CDC42BPB: variants seen among roughly 807,000 people sequenced by gnomAD.
CDC42BPB encodes CDC42 binding protein kinase beta, also known as serine/threonine-protein kinase MRCK beta.
CDC42BPB carries 37 observed loss-of-function variants against 214.9 expected under a neutral mutation model. That is an observed-to-expected ratio of 0.17 (90% CI 0.13 to 0.23). The LOEUF (loss-of-function observed/expected upper bound fraction) is 0.23. Among genes scored for constraint, CDC42BPB ranks in the 10% least tolerant of loss-of-function variants. The pLI, the probability that CDC42BPB is intolerant of heterozygous loss-of-function variation, is 1.00. For synonymous variants in CDC42BPB, 931 were observed against 884.0 expected (o/e 1.05, Z -0.94); for missense variants, 1,694 against 2,227.0 (o/e 0.76, Z 4.82).
At chr14:102,946,196 T>A (rs903330612) in intron 28 of CDC42BPB, among the ~76,000 whole-genome samples, 9 of 151,992 alleles carry the variant, frequency 5.9e-5, no homozygotes, top group Admixed American at 2.6e-4. Context: ...TATTTTTATT[T>A]TTTTTTTTAG....
intron 34 of CDC42BPB, among the ~76,000 whole-genome samples, chr14:102,939,301 G>A (rs1434674621): frequency 1.3e-5 from 2 of 152,240 alleles, no homozygotes; most frequent in Non-Finnish European, 2.9e-5. Context: ...AGGTGTTACT[G>A]AGAAATCACC....
intron 1 of CDC42BPB, among the ~76,000 whole-genome samples, chr14:103,032,865 C>T (rs567309692): frequency 3.0e-4 from 45 of 149,330 alleles, no homozygotes; most frequent in Non-Finnish European, 5.0e-4. Flanking sequence ...GATCCACCTG[C>T]CTCAGCCTCC....
intron 1 of CDC42BPB, among the ~76,000 whole-genome samples, chr14:103,049,003 CTAACAA>C (rs1163858345): frequency 6.6e-6 from 1 of 152,092 alleles, no homozygotes; most frequent in Non-Finnish European, 1.5e-5. Context: ...AGACAGTTAC[CTAACAA>C]TAAGAATGCA....
chr14:103,020,760 G>C (rs1021926424), intron 1 of CDC42BPB, among the ~76,000 whole-genome samples: 1 of 152,258 alleles, frequency 6.6e-6, no homozygotes, highest in Non-Finnish European at 1.5e-5. Flanking sequence ...CCACCCTGGA[G>C]AGAGTTCACA....
chr14:102,943,865 A>C lies in CDC42BPB; in HGVS notation c.4408+26T>G. 1.3e-6 allele frequency: 2 copies of C among 1,569,376 alleles called. No individual in the cohort carries two copies. The highest frequency in any genetic ancestry group is 1.7e-6 in the Non-Finnish European group (2 of 1,159,078). ...GTCGGTGGGAAAAGCAGCAACAGGG[A>C]TATGCAACAGAAAACATATACATAC... On this transcript the variant is annotated intron_variant, in intron 30 of 36. Coordinates refer to ENST00000361246, the MANE Select transcript of CDC42BPB (RefSeq NM_006035.4). This position sits in a 1 kb window ranked among gnomAD's most constrained non-coding sequence, Gnocchi z 4.6.
At chr14:103,000,257 T>C (rs1894917442) in intron 4 of CDC42BPB, among the ~76,000 whole-genome samples, 1 of 152,202 alleles carries the variant, frequency 6.6e-6, no homozygotes, top group Non-Finnish European at 1.5e-5. Flanking sequence ...ATTGGAGTAA[T>C]GGGAGAAAAA....
chr14:102,957,743 A>G (rs574793224), intron 21 of CDC42BPB, among the ~76,000 whole-genome samples: 2 of 152,330 alleles, frequency 1.3e-5, no homozygotes, highest in South Asian at 4.1e-4. Flanking sequence ...CCAGGATGCT[A>G]AGAGTCCACC....
rs147925899 is a variant in CDC42BPB, at chr14:102,967,097, T to G, written c.2420A>C (p.Lys807Thr). Reference sequence around the variant, plus strand: ...TTCCCAGTGGGCCACTGACTCCTTCTTGGCTGCCAGATCCTGCAGCTCATC... The same window carrying G: ...TTCCCAGTGGGCCACTGACTCCTTCGTGGCTGCCAGATCCTGCAGCTCATC... ...LEDELQDLAA[K>T]KESVAHWEAQ... Residue 807 changes from lysine to threonine, a missense_variant, in exon 17 of 37, where the codon AAG becomes ACG. Lys to Thr is a moderately conservative substitution (Grantham distance 78). This residue lies in a region of CDC42BPB where 462 missense variants were observed against 513.5 expected (regional missense o/e 0.90). Transcript: ENST00000361246. 12 of 1,614,118 alleles carry G rather than the reference T, an allele frequency of 7.4e-6. No homozygotes were observed. Among genetic ancestry groups the G allele is most frequent in the Non-Finnish European group, 9.3e-6 (11 of 1,180,042 alleles).
intron 4 of CDC42BPB, among the ~76,000 whole-genome samples, 167 bp downstream of exon 4, chr14:103,003,761 G>A (rs991010315): frequency 6.6e-6 from 1 of 152,182 alleles, no homozygotes; most frequent in African/African-American, 2.4e-5. Context: ...TTTTAAAGAA[G>A]TTCTACCTGA....
At chr14:102,978,552 AGGTAT>A (rs1893859089) in intron 8 of CDC42BPB, among the ~76,000 whole-genome samples, 1 of 152,240 alleles carries the variant, frequency 6.6e-6, no homozygotes, top group Non-Finnish European at 1.5e-5. Context: ...CAGTGTGAAC[AGGTAT>A]GGTCCCTCTG....
chr14:102,978,295 G>T, intron 8 of CDC42BPB, 90 bp from the exon 9 acceptor site: 1 of 1,574,822 alleles, frequency 6.3e-7, no homozygotes. Flanking sequence ...GGTGACAGGA[G>T]GCACTGGGCA....
chr14:102,941,502 G>A (rs1891887007), intron 30 of CDC42BPB: 3 of 985,442 alleles, frequency 3.0e-6, no homozygotes, highest in Non-Finnish European at 2.4e-6. Context: ...GCACCTGTGA[G>A]GCCTCTGAGA....
At chr14:103,003,877 G>C in intron 4 of CDC42BPB, 51 bp downstream of exon 4, 2 of 1,435,062 alleles carry the variant, frequency 1.4e-6, no homozygotes, top group East Asian at 4.7e-5. Context: ...CAGCATAAAG[G>C]AATAAAGCCG....
At chr14:103,045,035 AAAATAAATAAATAAAT>A (rs36127793) in intron 1 of CDC42BPB, among the ~76,000 whole-genome samples, 2 of 146,080 alleles carry the variant, frequency 1.4e-5, no homozygotes, top group Non-Finnish European at 3.0e-5. Flanking sequence ...CTCTGTCTCT[AAAATAAATAAATAAAT>A]AAATAAATAA....
intron 6 of CDC42BPB, among the ~76,000 whole-genome samples, chr14:102,985,706 G>A (rs189957638): frequency 6.6e-6 from 1 of 152,204 alleles, no homozygotes; most frequent in Non-Finnish European, 1.5e-5. Context: ...TTGCTCTCTC[G>A]GAAAACTATT....
intron 1 of CDC42BPB, among the ~76,000 whole-genome samples, chr14:103,040,611 A>C (rs1466657205): frequency 6.6e-6 from 1 of 151,912 alleles, no homozygotes; most frequent in Non-Finnish European, 1.5e-5. Flanking sequence ...GGCGGCTGCC[A>C]ACACACCCAG....
chr14:102,981,240 C>T (rs1191368065), intron 7 of CDC42BPB: 1 of 944,496 alleles, frequency 1.1e-6, no homozygotes, highest in Non-Finnish European at 1.3e-6. Context: ...TGTGACCACA[C>T]TGCATGTAAA....
intron 1 of CDC42BPB, among the ~76,000 whole-genome samples, chr14:103,033,305 C>T (rs1887495457): frequency 2.0e-5 from 3 of 151,984 alleles, no homozygotes; most frequent in Admixed American, 1.3e-4. Context: ...CACTGCAAGC[C>T]CCGCCTTCTG....
At chr14:103,053,630 CG>C (rs1888759529) in intron 1 of CDC42BPB, among the ~76,000 whole-genome samples, 2 of 150,920 alleles carry the variant, frequency 1.3e-5, no homozygotes. Context: ...GGCGTGATGG[CG>C]GGCGCCTGTA....
Sources: allele counts gnomAD v4.1 joint callset (sites outside exome capture counted in the v4.1 genomes callset), GRCh38; gene constraint gnomAD v4.1.1; regional missense constraint gnomAD v4.1.1; non-coding constraint Gnocchi (gnomAD v3.1); transcripts MANE v1.5; gene names NCBI Gene and HGNC (gene_info 2026-07-23, HGNC 2026-07-21).